SCN2A: variants seen among roughly 807,000 people sequenced by gnomAD.
The protein encoded by SCN2A is sodium voltage-gated channel alpha subunit 2, also known as sodium channel protein type 2 subunit alpha.
SCN2A carries 20 observed loss-of-function variants against 188.7 expected under a neutral mutation model. The ratio of observed to expected loss-of-function variants is 0.11; its 90% CI spans 0.07 to 0.15. The LOEUF is 0.15. Ranked by LOEUF, SCN2A falls within the 10% of genes least tolerant of loss-of-function variation. The pLI is 1.00. For missense variants in SCN2A, 1,278 were observed against 2,445.0 expected, an observed-to-expected ratio of 0.52 and a Z score of 10.07; for synonymous variants, 804 against 833.1, an observed-to-expected ratio of 0.97 and a Z score of 0.60.
rs71028479 is a variant in SCN2A, at chr2:165,350,464, C to CTTTTTTTTTTTTTTTTTTT, written c.2920-3720_2920-3702dup. On this transcript the variant is annotated intron_variant, in intron 16 of 26. Coordinates refer to ENST00000375437, the MANE Select transcript of SCN2A (RefSeq NM_001040142.2). ...GTGAGCTTGCTGAACTGTTTTCTTT[C>CTTTTTTTTTTTTTTTTTTT]TTTTTTTTTTTTTTTTTTTTTTTTT... is the stretch of plus-strand genomic sequence containing the variant. Among the ~76,000 whole-genome samples, 8 of 73,842 alleles carry CTTTTTTTTTTTTTTTTTTT rather than the reference C, an allele frequency of 1.1e-4. 1 individual carries two copies. The highest frequency in any genetic ancestry group is 1.6e-4 in the Admixed American group (1 of 6,244). 48.4% of individuals were successfully genotyped at this position (73,842 alleles called of 152,430 possible). A position where few individuals can be genotyped will look rare whatever the true frequency, so the allele number is the denominator to read the frequency against.
intron 13 of SCN2A, 151 bp from the exon 14 acceptor site, chr2:165,331,179 C>A (rs187655463): frequency 1.2e-4 from 79 of 685,522 alleles, no homozygotes; most frequent in Non-Finnish European, 1.9e-4. Flanking sequence ...TGACAGCAAA[C>A]CCATTGTAAA....
At chr2:165,254,239 G>A (rs1452238732) in intron 1 of SCN2A, among the ~76,000 whole-genome samples, 1 of 151,534 alleles carries the variant, frequency 6.6e-6, no homozygotes, top group Non-Finnish European at 1.5e-5. Flanking sequence ...GCCCATTAAT[G>A]TCATGTATTT....
At chr2:165,386,367 G>A (rs1701873072) in intron 25 of SCN2A, among the ~76,000 whole-genome samples, 2 of 152,196 alleles carry the variant, frequency 1.3e-5, no homozygotes, top group African/African-American at 4.8e-5. Context: ...AGGAGGCTGA[G>A]GCAGGAGTAT....
At chr2:165,296,703 C>A in intron 2 of SCN2A, 1 of 182,242 alleles carries the variant, frequency 5.5e-6, no homozygotes, top group Non-Finnish European at 1.1e-5. Flanking sequence ...AAAATCAAAG[C>A]CTCAATTTTG....
In SCN2A at chr2:165,323,326, G is replaced by T. The variant is rs114315466; in HGVS notation, c.1842G>T (p.Pro614=). The change falls in exon 12 of 27, where the codon CCG becomes CCT. Residue 614 remains proline (P), a synonymous_variant. Transcript: ENST00000375437. ...NDSRRDSLFV[P]HRHGERRHSN... ...GCCGAAGAGACTCTCTGTTCGTGCC[G>T]CACAGACATGGAGAACGGCGCCACA... 2,662 of 1,614,132 alleles carry T rather than the reference G, an allele frequency of 1.6e-3. 40 individuals are homozygous for T. The African/African-American group carries it at 0.028, about 17-fold the overall frequency.
Position 165,323,317 on chromosome 2 carries a change from G to T in SCN2A, c.1833G>T (p.Leu611=). The T allele has an allele frequency of 6.2e-7, 1 of 1,614,180 alleles. No homozygotes were observed. Among genetic ancestry groups the T allele is most frequent in the African/African-American group, 1.3e-5 (1 of 75,040 alleles). The change falls in exon 12 of 27, where the codon CTG becomes CTT. Residue 611 remains leucine, a synonymous_variant. Coordinates refer to ENST00000375437, the MANE Select transcript of SCN2A (RefSeq NM_001040142.2). ...ACAATGACAGCCGAAGAGACTCTCT[G>T]TTCGTGCCGCACAGACATGGAGAAC... ...FEDNDSRRDS[L]FVPHRHGERR...
intron 10 of SCN2A, 66 bp downstream of exon 10, chr2:165,314,174 G>A: frequency 6.6e-7 from 1 of 1,512,028 alleles, no homozygotes; most frequent in Non-Finnish European, 9.1e-7. Flanking sequence ...AAATGTTGAG[G>A]TCAGTGGCAA....
chr2:165,325,264 G>A (rs1027101349), intron 12 of SCN2A, among the ~76,000 whole-genome samples: 1 of 152,192 alleles, frequency 6.6e-6, no homozygotes, highest in Admixed American at 6.5e-5. Context: ...TGAAGGCAAA[G>A]TTGGGGCCAG....
chr2:165,390,010 G>A lies in SCN2A; in HGVS notation c.*186G>A, dbSNP rs1702067130. ...TCAGCAAACTGGAACTCAGTAAACT[G>A]GAGAAATAGTATCGATGGGAGGTTT... On this transcript the variant is annotated 3_prime_UTR_variant, in exon 27 of 27. Coordinates refer to ENST00000375437, the MANE Select transcript of SCN2A (RefSeq NM_001040142.2). The A allele has an allele frequency of 7.7e-6, 7 of 905,746 alleles. No homozygotes were observed. Among genetic ancestry groups the A allele is most frequent in the Middle Eastern group, 7.0e-4 (2 of 2,848 alleles). The allele number at this position is 905,746 out of a possible 1,614,324, so 56.1% of individuals were successfully genotyped here.
intron 1 of SCN2A, chr2:165,268,242 A>G (rs574887594): frequency 6.6e-6 from 1 of 152,098 alleles, no homozygotes; most frequent in Non-Finnish European, 1.5e-5. Context: ...AAAAAAGAAA[A>G]CTGCAGACTA....
chr2:165,367,060 T>C (rs1700766731), intron 18 of SCN2A, among the ~76,000 whole-genome samples, 157 bp from the exon 19 acceptor site: 1 of 152,222 alleles, frequency 6.6e-6, no homozygotes, highest in African/African-American at 2.4e-5. Flanking sequence ...GCCATATAGA[T>C]GATTTTAAGA....
chr2:165,326,406 G>C (rs1698361659), intron 12 of SCN2A, among the ~76,000 whole-genome samples: 1 of 152,152 alleles, frequency 6.6e-6, no homozygotes, highest in South Asian at 2.1e-4. Flanking sequence ...CATTTTAGGG[G>C]AACTGTTACT....
intron 1 of SCN2A, among the ~76,000 whole-genome samples, chr2:165,294,924 G>T (rs1441353221): frequency 6.6e-6 from 1 of 152,166 alleles, no homozygotes; most frequent in African/African-American, 2.4e-5. Flanking sequence ...TGGACACTAA[G>T]ACTGTGATGC....
rs554177867 is a variant in SCN2A at position 165,239,506 on chromosome 2, T to C, written c.-186T>C. ...TGGTCATCCTTTCTTGTTTTTTTCTTCTTTAATGAGGATAGAGCACATGTG... is the reference window on the plus strand; with the variant it reads ...TGGTCATCCTTTCTTGTTTTTTTCTCCTTTAATGAGGATAGAGCACATGTG... On this transcript the variant is annotated 5_prime_UTR_variant, in exon 1 of 27. Transcript: ENST00000375437. 2.5e-6 allele frequency: 1 copy of C among 393,170 alleles called. No individual in the cohort carries two copies. Among genetic ancestry groups the C allele is most frequent in the African/African-American group, 2.2e-5 (1 of 45,966 alleles). 24.4% of individuals were successfully genotyped at this position (393,170 alleles called of 1,614,324 possible). A position where few individuals can be genotyped will look rare whatever the true frequency, so the allele number is the denominator to read the frequency against.
chr2:165,332,757 G>A lies in SCN2A; in HGVS notation c.2388+1189G>A, dbSNP rs532099420. ...AGAAAGCCTTTGGAGGTAATATATT[G>A]TGATCCAAATTGAATGAGCTTAAGC... On this transcript the variant is annotated intron_variant, in intron 14 of 26. Transcript: ENST00000375437. Among the ~76,000 whole-genome samples, 57 of 152,030 alleles carry A rather than the reference G, an allele frequency of 3.7e-4. 1 individual carries two copies. In the South Asian group the frequency reaches 0.011, roughly 29 times the overall value.
chr2:165,289,377 A>G (rs1043562783), intron 1 of SCN2A, among the ~76,000 whole-genome samples: 2 of 152,100 alleles, frequency 1.3e-5, no homozygotes, highest in African/African-American at 2.4e-5. Flanking sequence ...AAAGGAAAAC[A>G]TTATAGAAAT....
chr2:165,294,816 T>C (rs926841433), intron 1 of SCN2A, among the ~76,000 whole-genome samples: 3 of 152,170 alleles, frequency 2.0e-5, no homozygotes, highest in African/African-American at 7.2e-5. Flanking sequence ...CCAGTAAAAA[T>C]CTATTTAGGT....
At chr2:165,351,425 G>A (rs1000714737) in intron 16 of SCN2A, among the ~76,000 whole-genome samples, 3 of 152,080 alleles carry the variant, frequency 2.0e-5, no homozygotes, top group Admixed American at 6.5e-5. Flanking sequence ...GAAACAATTC[G>A]AAAATTAATA....
chr2:165,308,921 A>G, intron 5 of SCN2A, 127 bp downstream of exon 5: 1 of 1,290,108 alleles, frequency 7.8e-7, no homozygotes, highest in Non-Finnish European at 1.1e-6. Context: ...TTTTCTTCCA[A>G]TCAAATTATC....
Sources: gnomAD v4.1 joint callset for allele counts (sites outside exome capture counted in the v4.1 genomes callset) on GRCh38, gnomAD v4.1.1 for gene constraint, MANE v1.5 for transcripts, NCBI Gene and HGNC (gene_info 2026-07-23, HGNC 2026-07-21) for gene names.